Variants in NT5DC1 observed in about 807,000 individuals in gnomAD.
The protein encoded by NT5DC1 is 5'-nucleotidase domain containing 1, also known as 5'-nucleotidase domain-containing protein 1.
NT5DC1 carries 42 observed loss-of-function variants against 59.4 expected under a neutral mutation model. The ratio of observed to expected loss-of-function variants is 0.71; its 90% CI spans 0.55 to 0.92. The LOEUF (loss-of-function observed/expected upper bound fraction) is 0.92, where lower values mean the gene tolerates loss of function less well. Among genes scored for constraint, NT5DC1 ranks in the 40% least tolerant of loss-of-function variants. The pLI is 0.00. For missense variants in NT5DC1, 501 were observed against 537.1 expected (o/e 0.93, Z 0.66); for synonymous variants, 172 against 188.1 (o/e 0.91, Z 0.70).
chr6:116,190,622 C>T (rs1235172680), intron 6 of NT5DC1, among the ~76,000 whole-genome samples: 3 of 151,974 alleles, frequency 2.0e-5, no homozygotes, highest in African/African-American at 7.2e-5. Context: ...TGCAGAAAGC[C>T]TCTACTTTTA....
intron 8 of NT5DC1, among the ~76,000 whole-genome samples, chr6:116,232,613 G>C (rs144443065): frequency 6.4e-4 from 97 of 152,218 alleles, no homozygotes; most frequent in African/African-American, 2.2e-3. Flanking sequence ...AGCAGTCTCT[G>C]TGAGTTGAGG....
intron 6 of NT5DC1, among the ~76,000 whole-genome samples, chr6:116,144,913 C>T (rs762741935): frequency 7.2e-5 from 11 of 152,070 alleles, no homozygotes; most frequent in Non-Finnish European, 1.5e-4. Flanking sequence ...AGGCTGATGG[C>T]GTTGAAAGTT....
intron 6 of NT5DC1, among the ~76,000 whole-genome samples, chr6:116,190,075 T>C (rs941691700): frequency 6.6e-6 from 1 of 151,930 alleles, no homozygotes; most frequent in African/African-American, 2.4e-5. Context: ...TTTTTTCAGC[T>C]TTATGGGAAT....
Position 116,100,951 on chromosome 6 carries a change from G to A in NT5DC1, c.21G>A (p.Leu7=). The A allele has an allele frequency of 6.2e-7, 1 of 1,604,294 alleles. No individual in the cohort carries two copies. The highest frequency in any genetic ancestry group is 8.5e-7 in the Non-Finnish European group (1 of 1,176,604). MAQHFS[L]AACDVVGFDL... ...CAGCCATGGCTCAGCACTTCTCCCT[G>A]GCCGCCTGCGACGTGGTCGGATTCG... Residue 7 remains leucine (L), a synonymous_variant, in exon 1 of 12, where the codon CTG becomes CTA. Coordinates refer to ENST00000319550, the MANE Select transcript of NT5DC1 (RefSeq NM_152729.3).
intron 1 of NT5DC1, among the ~76,000 whole-genome samples, chr6:116,101,736 C>T (rs1038191393): frequency 2.0e-5 from 3 of 152,176 alleles, no homozygotes; most frequent in Non-Finnish European, 4.4e-5. Flanking sequence ...AGTATGCATG[C>T]TTCCAGACCT....
At chr6:116,131,083 G>C (rs1779447277) in intron 6 of NT5DC1, among the ~76,000 whole-genome samples, 1 of 151,994 alleles carries the variant, frequency 6.6e-6, no homozygotes, top group African/African-American at 2.4e-5. Context: ...CTTTCATAAA[G>C]TACATATGTT....
chr6:116,170,816 T>C (rs1780586548), intron 6 of NT5DC1, among the ~76,000 whole-genome samples: 1 of 152,164 alleles, frequency 6.6e-6, no homozygotes, highest in Non-Finnish European at 1.5e-5. Flanking sequence ...TAGAAGATCT[T>C]GCAGTTCTCA....
At chr6:116,231,734 A>G (rs960293612) in intron 8 of NT5DC1, among the ~76,000 whole-genome samples, 54 of 152,348 alleles carry the variant, frequency 3.5e-4, no homozygotes, top group African/African-American at 1.2e-3. Context: ...CCACATGTCT[A>G]TCTATAGAGG....
chr6:116,237,158 C>A, intron 9 of NT5DC1, 74 bp downstream of exon 9: 1 of 808,476 alleles, frequency 1.2e-6, no homozygotes, highest in Non-Finnish European at 2.2e-6. Context: ...CAAATCTCTC[C>A]TCTTAATTCT....
At chr6:116,236,763 T>C (rs1439905479) in intron 8 of NT5DC1, among the ~76,000 whole-genome samples, 4 of 152,104 alleles carry the variant, frequency 2.6e-5, no homozygotes, top group Non-Finnish European at 4.4e-5. Context: ...TTGAACCTTA[T>C]TTTCCCCAAT....
At chr6:116,220,990 A>C in intron 6 of NT5DC1, 64 bp from the exon 7 acceptor site, 1 of 776,474 alleles carries the variant, frequency 1.3e-6, no homozygotes, top group Non-Finnish European at 2.1e-6. Context: ...TTAACTTGTT[A>C]GAGAATATAT....
chr6:116,142,843 T>G, intron 6 of NT5DC1, among the ~76,000 whole-genome samples: 1 of 152,206 alleles, frequency 6.6e-6, no homozygotes, highest in Non-Finnish European at 1.5e-5. Flanking sequence ...TTTCGTGTTC[T>G]GATGCCTTCA....
intron 6 of NT5DC1, among the ~76,000 whole-genome samples, chr6:116,196,647 A>G (rs1015949296): frequency 6.6e-6 from 1 of 152,000 alleles, no homozygotes; most frequent in African/African-American, 2.4e-5. Flanking sequence ...ACACTAAACA[A>G]AATAGTGTTT....
intron 6 of NT5DC1, among the ~76,000 whole-genome samples, chr6:116,178,086 TGTGCGCGC>T (rs1347470591): frequency 3.9e-4 from 30 of 77,582 alleles, no homozygotes; most frequent in Non-Finnish European, 7.0e-4. Context: ...TGTGTGTGTG[TGTGCGCGC>T]GCGCGCGCGT....
intron 1 of NT5DC1, 95 bp downstream of exon 1, chr6:116,101,118 CGG>C (rs1204229300): frequency 2.3e-6 from 2 of 870,902 alleles, no homozygotes; most frequent in South Asian, 3.4e-5. Context: ...GGACGCTGCC[CGG>C]GGCCTGCGGC....
Position 116,244,812 on chromosome 6 carries a change from A to C in NT5DC1, c.*788A>C, listed in dbSNP as rs1040626080. The stretch of plus-strand genomic sequence containing the variant: ...AGATGATCTAGAAGTCAACTATCTC[A>C]ACCTCCATTGTTACCCACTAGGTTT... On this transcript the variant is annotated 3_prime_UTR_variant, in exon 12 of 12. Transcript: ENST00000319550. The C allele has an allele frequency of 1.3e-5, 2 of 152,234 alleles. No individual in the cohort carries two copies. The highest frequency in any genetic ancestry group is 2.4e-5 in the African/African-American group (1 of 41,468). 9.4% of individuals were successfully genotyped at this position (152,234 alleles called of 1,614,324 possible).
intron 6 of NT5DC1, chr6:116,119,892 ACGT>A: frequency 3.2e-6 from 2 of 622,616 alleles, no homozygotes; most frequent in Non-Finnish European, 5.6e-6. Flanking sequence ...GGCTTCACAT[ACGT>A]TTTTACGTTG....
intron 4 of NT5DC1, among the ~76,000 whole-genome samples, chr6:116,112,172 G>A (rs1999657): frequency 0.047 from 7,136 of 152,292 alleles, 304 homozygotes; most frequent in Admixed American, 0.14. Context: ...GGAGCCTTCT[G>A]AGAATGGTCC....
chr6:116,162,184 A>G (rs1352751128), intron 6 of NT5DC1, among the ~76,000 whole-genome samples: 1 of 152,146 alleles, frequency 6.6e-6, no homozygotes, highest in Non-Finnish European at 1.5e-5. Flanking sequence ...TGGAGGAATC[A>G]TTTGGGTTTT....
Sources: gnomAD v4.1 joint callset for allele counts (sites outside exome capture counted in the v4.1 genomes callset) on GRCh38, gnomAD v4.1.1 for gene constraint, MANE v1.5 for transcripts, NCBI Gene and HGNC (gene_info 2026-07-23, HGNC 2026-07-21) for gene names.